LRRC4C: variants seen among roughly 807,000 people sequenced by gnomAD.
The protein encoded by LRRC4C is leucine-rich repeat-containing protein 4C.
A neutral mutation model predicts 33.6 loss-of-function variants in LRRC4C; 5 were observed. The ratio of observed to expected loss-of-function variants is 0.15; its 90% CI spans 0.08 to 0.31. The LOEUF is 0.31. Among genes scored for constraint, LRRC4C ranks in the 10% least tolerant of loss-of-function variants. LRRC4C has a pLI of 1.00. For synonymous variants in LRRC4C, 329 were observed against 302.0 expected (o/e 1.09, Z -0.93); for missense variants, 560 against 796.7 (o/e 0.70, Z 3.58).
intron 2 of LRRC4C, among the ~76,000 whole-genome samples, chr11:40,849,927 T>G (rs1044652726): frequency 6.6e-6 from 1 of 151,620 alleles, no homozygotes; most frequent in Admixed American, 6.6e-5. Flanking sequence ...ATTTGGCTGT[T>G]GATATTTCTG....
intron 3 of LRRC4C, among the ~76,000 whole-genome samples, chr11:40,471,427 A>G (rs1383789548): frequency 6.6e-6 from 1 of 152,224 alleles, no homozygotes; most frequent in Non-Finnish European, 1.5e-5. Context: ...AGCCACTGCA[A>G]AAACATACCA....
chr11:40,481,746 T>G (rs1953581349), intron 3 of LRRC4C, among the ~76,000 whole-genome samples: 1 of 152,166 alleles, frequency 6.6e-6, no homozygotes, highest in Non-Finnish European at 1.5e-5. Flanking sequence ...TTCTTTTATT[T>G]TTGGTAGGTG....
chr11:40,906,499 A>G (rs1956422434), intron 2 of LRRC4C, among the ~76,000 whole-genome samples: 1 of 152,230 alleles, frequency 6.6e-6, no homozygotes, highest in African/African-American at 2.4e-5. Context: ...TGACAGAGCG[A>G]GACTCCATCT....
chr11:41,101,247 G>A (rs771959369), intron 1 of LRRC4C, among the ~76,000 whole-genome samples: 5 of 151,968 alleles, frequency 3.3e-5, no homozygotes, highest in African/African-American at 7.2e-5. Flanking sequence ...TATTCCTATC[G>A]CATCTGACAA....
chr11:40,444,571 C>G (rs180921873), intron 3 of LRRC4C, among the ~76,000 whole-genome samples: 5 of 151,766 alleles, frequency 3.3e-5, no homozygotes, highest in African/African-American at 1.2e-4. Flanking sequence ...AAAAAGAATG[C>G]CTCTATACAA....
chr11:40,444,037 A>G (rs77954049), intron 3 of LRRC4C, among the ~76,000 whole-genome samples: 2,215 of 152,308 alleles, frequency 0.015, 44 homozygotes, highest in African/African-American at 0.05. Context: ...ATGATGAGAA[A>G]ATAATTTAGG....
intron 1 of LRRC4C, among the ~76,000 whole-genome samples, chr11:41,026,115 CA>C (rs1475107009): frequency 6.6e-6 from 1 of 151,644 alleles, no homozygotes; most frequent in Admixed American, 6.6e-5. Context: ...TTAGGAAATA[CA>C]TTTTGTAAGG....
intron 2 of LRRC4C, among the ~76,000 whole-genome samples, chr11:40,925,452 A>T (rs2136404561): frequency 6.6e-6 from 1 of 152,262 alleles, no homozygotes; most frequent in Non-Finnish European, 1.5e-5. Flanking sequence ...AATCTTGGAG[A>T]AAGAACAATG....
chr11:41,360,800 C>A (rs1423758924), intron 1 of LRRC4C, among the ~76,000 whole-genome samples: 1 of 152,142 alleles, frequency 6.6e-6, no homozygotes, highest in African/African-American at 2.4e-5. Context: ...AGAAATAACT[C>A]ATGTGGGGGC....
In LRRC4C at chr11:40,389,487, A is replaced by G. The variant is rs1436730739; in HGVS notation, c.-269-69766T>C. ...TATGTCTCAAAAAAAAAAATAATCA[A>G]AAAACCATTATTTTTTCACTATTGT... On this transcript the variant is annotated intron_variant, in intron 3 of 6. Coordinates refer to ENST00000528697, the MANE Select transcript of LRRC4C (RefSeq NM_001258419.2). Among the ~76,000 whole-genome samples, 3 of 151,596 alleles carry G rather than the reference A, an allele frequency of 2.0e-5. No homozygotes were observed. In the East Asian group the frequency reaches 5.8e-4, roughly 29 times the overall value.
chr11:40,327,500 C>A lies in LRRC4C; in HGVS notation c.-269-7779G>T, dbSNP rs553516790. Among the ~76,000 whole-genome samples the A allele has an allele frequency of 9.2e-5, 14 of 152,282 alleles. No individual in the cohort carries two copies. The East Asian group carries it at 2.1e-3, about 23-fold the overall frequency. On this transcript the variant is annotated intron_variant, in intron 3 of 6. Transcript: ENST00000528697. ...ATTACACTTGATCTTAGCCAAAAGGCTGAGAAGCGATATTCATCAAAAGCT... is the reference window on the plus strand; with the variant it reads ...ATTACACTTGATCTTAGCCAAAAGGATGAGAAGCGATATTCATCAAAAGCT...
At chr11:41,187,393 A>C (rs1945742489) in intron 1 of LRRC4C, among the ~76,000 whole-genome samples, 1 of 152,160 alleles carries the variant, frequency 6.6e-6, no homozygotes, top group Non-Finnish European at 1.5e-5. Context: ...GAAAGAGCAC[A>C]CCAGCAGACC....
At chr11:40,818,210 C>T (rs1951783316) in intron 2 of LRRC4C, among the ~76,000 whole-genome samples, 1 of 152,106 alleles carries the variant, frequency 6.6e-6, no homozygotes, top group Non-Finnish European at 1.5e-5. Context: ...AGATGCTTCT[C>T]CTCAGGTTAC....
chr11:40,805,591 G>C (rs1267750384), intron 2 of LRRC4C, among the ~76,000 whole-genome samples: 2 of 152,116 alleles, frequency 1.3e-5, no homozygotes, highest in Admixed American at 6.5e-5. Context: ...AGTTTCAAGA[G>C]TGTGACGATA....
chr11:41,425,749 C>T (rs1225916966), intron 1 of LRRC4C, among the ~76,000 whole-genome samples: 2 of 151,990 alleles, frequency 1.3e-5, no homozygotes, highest in African/African-American at 4.8e-5. Context: ...GGGATTTCTA[C>T]TCTGGTTTTA....
intron 1 of LRRC4C, among the ~76,000 whole-genome samples, chr11:41,052,021 A>G (rs1858265574): frequency 6.6e-6 from 1 of 152,174 alleles, no homozygotes; most frequent in Non-Finnish European, 1.5e-5. Flanking sequence ...CTGATCTCTA[A>G]CATGTTTATT....
At chr11:40,423,494 G>A (rs940053156) in intron 3 of LRRC4C, among the ~76,000 whole-genome samples, 5 of 151,718 alleles carry the variant, frequency 3.3e-5, no homozygotes, top group Non-Finnish European at 7.4e-5. Context: ...ACAGGCGCCC[G>A]CTACCACGCC....
intron 1 of LRRC4C, among the ~76,000 whole-genome samples, chr11:40,937,603 A>ATG (rs35416837): frequency 0.26 from 35,329 of 135,590 alleles, 4,592 homozygotes; most frequent in Middle Eastern, 0.32. Flanking sequence ...GTGTGTGTAT[A>ATG]TGTGTGTGTG....
At chr11:41,260,729 G>A (rs1948954755) in intron 1 of LRRC4C, among the ~76,000 whole-genome samples, 1 of 151,972 alleles carries the variant, frequency 6.6e-6, no homozygotes, top group South Asian at 2.1e-4. Context: ...ATAGGAAAAA[G>A]ACAAGTGGTA....
Sources: allele counts gnomAD v4.1 joint callset (sites outside exome capture counted in the v4.1 genomes callset), GRCh38; gene constraint gnomAD v4.1.1; transcripts MANE v1.5; gene names NCBI Gene and HGNC (gene_info 2026-07-23, HGNC 2026-07-21).